Variants in CACNA2D1 observed in about 807,000 individuals in gnomAD.
CACNA2D1 encodes the protein voltage-dependent calcium channel subunit alpha-2/delta-1.
Under a neutral mutation model 171.5 loss-of-function variants are expected in CACNA2D1, and 53 were observed. That is an observed-to-expected ratio of 0.31 (90% CI 0.25 to 0.39). The LOEUF is 0.39. Ranked by LOEUF, CACNA2D1 falls within the 10% of genes least tolerant of loss-of-function variation. The pLI, the probability that CACNA2D1 is intolerant of heterozygous loss-of-function variation, is 1.00. For synonymous variants in CACNA2D1, 442 were observed against 443.1 expected, an observed-to-expected ratio of 1.00 and a Z score of 0.03; for missense variants, 903 against 1,299.8, an observed-to-expected ratio of 0.69 and a Z score of 4.69.
chr7:82,128,627 T>C (rs1452584097), intron 5 of CACNA2D1, among the ~76,000 whole-genome samples: 2 of 152,192 alleles, frequency 1.3e-5, no homozygotes, highest in Non-Finnish European at 2.9e-5. Flanking sequence ...CACTCGAATG[T>C]ATCCTTCTTT....
At chr7:81,975,358 G>A (rs895198517) in intron 24 of CACNA2D1, among the ~76,000 whole-genome samples, 8 of 152,006 alleles carry the variant, frequency 5.3e-5, no homozygotes, top group Non-Finnish European at 1.0e-4. Context: ...ATTTTAAAAA[G>A]TGGCAATGTT....
intron 1 of CACNA2D1, among the ~76,000 whole-genome samples, chr7:82,372,393 C>T (rs886530215): frequency 4.6e-5 from 7 of 152,040 alleles, no homozygotes; most frequent in African/African-American, 1.4e-4. Context: ...TTTACTGTAG[C>T]GTTTCCAAAA....
chr7:82,159,735 A>G (rs1794741840), intron 4 of CACNA2D1, among the ~76,000 whole-genome samples: 1 of 149,704 alleles, frequency 6.7e-6, no homozygotes, highest in African/African-American at 2.5e-5. Context: ...GAAAATAAGA[A>G]TGGAGAAGAA....
intron 24 of CACNA2D1, among the ~76,000 whole-genome samples, chr7:81,979,421 C>A (rs1796214336): frequency 6.6e-6 from 1 of 152,120 alleles, no homozygotes; most frequent in East Asian, 1.9e-4. Context: ...ATATATCTAT[C>A]TTTCTCTATG....
chr7:82,159,081 A>G (rs1038095188), intron 4 of CACNA2D1, among the ~76,000 whole-genome samples: 3 of 151,916 alleles, frequency 2.0e-5, no homozygotes, highest in South Asian at 2.1e-4. Flanking sequence ...GCTAGCAGGT[A>G]TCTAGGGGAT....
intron 1 of CACNA2D1, among the ~76,000 whole-genome samples, chr7:82,440,096 G>A (rs1585973743): frequency 6.6e-6 from 1 of 151,756 alleles, no homozygotes; most frequent in East Asian, 1.9e-4. Context: ...ATACTTCTAT[G>A]AGAATTTATG....
intron 1 of CACNA2D1, among the ~76,000 whole-genome samples, chr7:82,360,422 G>A (rs186600888): frequency 2.3e-3 from 352 of 152,086 alleles, no homozygotes; most frequent in African/African-American, 7.7e-3. Context: ...TTTTCCTCAC[G>A]TTACATTTTT....
At chr7:82,357,715 G>A (rs1820600506) in intron 1 of CACNA2D1, among the ~76,000 whole-genome samples, 1 of 135,916 alleles carries the variant, frequency 7.4e-6, no homozygotes, top group African/African-American at 2.7e-5. Flanking sequence ...TTGTTGTGGG[G>A]TGGGGGGTGG....
At chr7:82,059,994 T>C (rs1182514132) in intron 10 of CACNA2D1, among the ~76,000 whole-genome samples, 8 of 22,482 alleles carry the variant, frequency 3.6e-4, no homozygotes, top group Non-Finnish European at 4.9e-4. Flanking sequence ...CAGGGCCTGT[T>C]GTGGGGTGGG....
intron 24 of CACNA2D1, among the ~76,000 whole-genome samples, chr7:81,976,384 T>C (rs1795845207): frequency 6.6e-6 from 1 of 152,176 alleles, no homozygotes; most frequent in South Asian, 2.1e-4. Flanking sequence ...GCATGGAATG[T>C]TTTTCCATTT....
At chr7:82,189,189 G>C (rs1467810928) in intron 3 of CACNA2D1, among the ~76,000 whole-genome samples, 1 of 151,854 alleles carries the variant, frequency 6.6e-6, no homozygotes, top group East Asian at 1.9e-4. Flanking sequence ...AAAATAATTA[G>C]GCCTTAAAGA....
intron 3 of CACNA2D1, among the ~76,000 whole-genome samples, chr7:82,172,196 A>G (rs190026931): frequency 2.4e-4 from 37 of 152,154 alleles, no homozygotes; most frequent in African/African-American, 8.4e-4. Flanking sequence ...ATTGTACCAC[A>G]TAGAGTAACC....
intron 5 of CACNA2D1, among the ~76,000 whole-genome samples, chr7:82,128,327 C>A (rs1162551574): frequency 6.6e-6 from 1 of 152,162 alleles, no homozygotes; most frequent in Non-Finnish European, 1.5e-5. Context: ...TAATTCTATA[C>A]TTAATTTCAG....
chr7:82,256,012 C>G (rs1262243577), intron 3 of CACNA2D1, among the ~76,000 whole-genome samples: 1 of 152,156 alleles, frequency 6.6e-6, no homozygotes, highest in Admixed American at 6.5e-5. Context: ...TGCAGTGGCT[C>G]ACACCTGTAA....
chr7:82,424,441 G>T (rs549064560), intron 1 of CACNA2D1, among the ~76,000 whole-genome samples: 1 of 152,188 alleles, frequency 6.6e-6, no homozygotes, highest in Non-Finnish European at 1.5e-5. Context: ...TATAACTGGG[G>T]CGTTAGAGGA....
chr7:82,429,214 T>G (rs1042557807), intron 1 of CACNA2D1, among the ~76,000 whole-genome samples: 1 of 152,240 alleles, frequency 6.6e-6, no homozygotes. Context: ...TCTGCATGTA[T>G]ATTTTCTTCA....
chr7:82,356,471 C>T (rs1820434391), intron 1 of CACNA2D1, among the ~76,000 whole-genome samples: 1 of 152,130 alleles, frequency 6.6e-6, no homozygotes, highest in Non-Finnish European at 1.5e-5. Flanking sequence ...CTCCACTAAA[C>T]TTCAAAAGTC....
intron 1 of CACNA2D1, among the ~76,000 whole-genome samples, chr7:82,393,863 T>C (rs1248371549): frequency 6.6e-6 from 1 of 152,198 alleles, no homozygotes; most frequent in Non-Finnish European, 1.5e-5. Flanking sequence ...CATTGTTTTA[T>C]TTACAGATAA....
intron 15 of CACNA2D1, among the ~76,000 whole-genome samples, chr7:82,008,944 A>G (rs184243219): frequency 8.5e-4 from 129 of 152,250 alleles, no homozygotes; most frequent in Admixed American, 2.6e-3. Context: ...ATTTGCAGCA[A>G]ATAAAACTAA....
Sources: gnomAD v4.1 joint callset for allele counts (sites outside exome capture counted in the v4.1 genomes callset) on GRCh38, gnomAD v4.1.1 for gene constraint, MANE v1.5 for transcripts, NCBI Gene and HGNC (gene_info 2026-07-23, HGNC 2026-07-21) for gene names.